The following ST6GALNAC3 variants were observed in gnomAD, a reference collection of about 807,000 sequenced individuals.
The protein encoded by ST6GALNAC3 is alpha-N-acetylgalactosaminide alpha-2,6-sialyltransferase 3.
In ST6GALNAC3, 25 loss-of-function variants were observed where a neutral mutation model predicts 32.7. That is an observed-to-expected ratio of 0.76 (90% CI 0.56 to 1.07). The LOEUF is 1.07. Among genes scored for constraint, ST6GALNAC3 ranks in the 50% least tolerant of loss-of-function variants. The pLI is 0.00. For synonymous variants in ST6GALNAC3, 129 were observed against 133.1 expected, an observed-to-expected ratio of 0.97 and a Z score of 0.21; for missense variants, 355 against 382.4, an observed-to-expected ratio of 0.93 and a Z score of 0.60.
intron 1 of ST6GALNAC3, among the ~76,000 whole-genome samples, chr1:76,096,027 C>A (rs1390957556): frequency 6.6e-6 from 1 of 152,184 alleles, no homozygotes; most frequent in East Asian, 1.9e-4. Context: ...CTGGTGAACC[C>A]AGCCCAGGCA....
intron 3 of ST6GALNAC3, among the ~76,000 whole-genome samples, chr1:76,535,111 A>G (rs912468243): frequency 6.6e-6 from 1 of 152,210 alleles, no homozygotes; most frequent in African/African-American, 2.4e-5. Flanking sequence ...CATGGGATAC[A>G]CAGGGTTAGG....
At chr1:76,540,336 A>T (rs1235154688) in intron 3 of ST6GALNAC3, among the ~76,000 whole-genome samples, 2 of 152,092 alleles carry the variant, frequency 1.3e-5, no homozygotes, top group East Asian at 3.9e-4. Flanking sequence ...GAGGGGAACA[A>T]CACACACTAG....
At chr1:76,530,010 C>A (rs116717179) in intron 3 of ST6GALNAC3, among the ~76,000 whole-genome samples, 307 of 152,190 alleles carry the variant, frequency 2.0e-3, no homozygotes, top group African/African-American at 6.9e-3. Flanking sequence ...CCTCTGAGAG[C>A]GTTAATAAAT....
chr1:76,208,926 A>G (rs552486953), intron 1 of ST6GALNAC3, among the ~76,000 whole-genome samples: 2 of 152,230 alleles, frequency 1.3e-5, no homozygotes, highest in Admixed American at 1.3e-4. Flanking sequence ...CGTTTTCCTT[A>G]ACTTTTCTTG....
chr1:76,615,375 G>A (rs1438744817), intron 3 of ST6GALNAC3, among the ~76,000 whole-genome samples: 1 of 152,170 alleles, frequency 6.6e-6, no homozygotes, highest in Non-Finnish European at 1.5e-5. Flanking sequence ...GAACCACCAA[G>A]AGAGCTCCAA....
intron 3 of ST6GALNAC3, among the ~76,000 whole-genome samples, chr1:76,619,496 T>C (rs1285905826): frequency 6.6e-6 from 1 of 152,126 alleles, no homozygotes; most frequent in Non-Finnish European, 1.5e-5. Context: ...CTTAGTCATA[T>C]GTTGTTTACA....
chr1:76,448,512 T>C (rs1657149657), intron 3 of ST6GALNAC3, among the ~76,000 whole-genome samples: 1 of 152,130 alleles, frequency 6.6e-6, no homozygotes, highest in Non-Finnish European at 1.5e-5. Flanking sequence ...TGAAATGATG[T>C]GGTTTGGCTC....
intron 3 of ST6GALNAC3, among the ~76,000 whole-genome samples, chr1:76,449,671 A>G (rs1193163344): frequency 2.0e-5 from 3 of 152,234 alleles, no homozygotes; most frequent in Non-Finnish European, 4.4e-5. Flanking sequence ...TATGATATAG[A>G]ACATCTTTTC....
In ST6GALNAC3 at chr1:76,548,914, C is replaced by G. The variant is rs1347154405; in HGVS notation, c.624-78538C>G. ...GGCTCTGCCGCCACTGTATCCCCAG[C>G]CTTTAGTGCCCTGTGCCTGATGAAT... is the stretch of plus-strand genomic sequence containing the variant. On this transcript the variant is annotated intron_variant, in intron 3 of 4. Coordinates refer to ENST00000328299, the MANE Select transcript of ST6GALNAC3 (RefSeq NM_152996.4). 5.9e-5 allele frequency among the ~76,000 whole-genome samples: 9 copies of G among 152,148 alleles called. No homozygotes were observed. In the South Asian group the frequency reaches 1.9e-3, roughly 32 times the overall value.
intron 2 of ST6GALNAC3, among the ~76,000 whole-genome samples, chr1:76,403,177 A>G (rs901255225): frequency 1.3e-5 from 2 of 152,162 alleles, no homozygotes; most frequent in Non-Finnish European, 2.9e-5. Flanking sequence ...TTACCTCCAA[A>G]GAAAATTCTA....
rs149334008 is a variant in ST6GALNAC3, at chr1:76,312,867, G to A, written c.19-938G>A. On this transcript the variant is annotated intron_variant, in intron 1 of 4. Coordinates refer to ENST00000328299, the MANE Select transcript of ST6GALNAC3 (RefSeq NM_152996.4). ...AGTAACTGTATGTATTCTTGTCTGC[G>A]TGCTGTTTCCTCTCTCTGGAAAGCT... is the stretch of plus-strand genomic sequence containing the variant. Among the ~76,000 whole-genome samples the A allele has an allele frequency of 2.6e-3, 390 of 152,252 alleles. 1 individual carries two copies. The highest frequency in any genetic ancestry group is 0.01 in the Middle Eastern group (3 of 294).
chr1:76,327,836 C>T (rs553015475), intron 2 of ST6GALNAC3, among the ~76,000 whole-genome samples: 7 of 152,248 alleles, frequency 4.6e-5, no homozygotes, highest in South Asian at 2.1e-4. Flanking sequence ...GTGATCTGCA[C>T]TCTTCAGCCT....
intron 1 of ST6GALNAC3, among the ~76,000 whole-genome samples, chr1:76,155,042 T>C (rs575043879): frequency 2.6e-5 from 4 of 152,320 alleles, no homozygotes; most frequent in African/African-American, 9.6e-5. Flanking sequence ...TTTTTTTGCC[T>C]TGGAGGATGT....
chr1:76,534,432 C>T (rs183807860), intron 3 of ST6GALNAC3, among the ~76,000 whole-genome samples: 1 of 152,288 alleles, frequency 6.6e-6, no homozygotes, highest in Non-Finnish European at 1.5e-5. Context: ...TCATAATGTA[C>T]ACATCGAGAT....
At chr1:76,617,741 C>T (rs180761516) in intron 3 of ST6GALNAC3, among the ~76,000 whole-genome samples, 177 of 152,244 alleles carry the variant, frequency 1.2e-3, no homozygotes, top group Non-Finnish European at 2.1e-3. Flanking sequence ...AATCCAACTT[C>T]GATCTTTGAT....
At chr1:76,396,636 T>A (rs1652983133) in intron 2 of ST6GALNAC3, among the ~76,000 whole-genome samples, 2 of 152,174 alleles carry the variant, frequency 1.3e-5, no homozygotes, top group African/African-American at 2.4e-5. Context: ...TAAAAGCCAA[T>A]TAGGTCTTTG....
In ST6GALNAC3 at chr1:76,395,079, G is replaced by A. The variant is rs182485256; in HGVS notation, c.214-16929G>A. 8.1e-4 allele frequency among the ~76,000 whole-genome samples: 123 copies of A among 152,278 alleles called. 1 individual carries two copies. The highest frequency in any genetic ancestry group is 2.8e-3 in the African/African-American group (116 of 41,562). ...AAGTGTGAGGTTGCTACAATATTAA[G>A]TGCTTAAGATATGCCACTACTGCTC... is the stretch of plus-strand genomic sequence containing the variant. On this transcript the variant is annotated intron_variant, in intron 2 of 4. Coordinates refer to ENST00000328299, the MANE Select transcript of ST6GALNAC3 (RefSeq NM_152996.4).
At chr1:76,510,227 T>C (rs1337133407) in intron 3 of ST6GALNAC3, among the ~76,000 whole-genome samples, 1 of 152,194 alleles carries the variant, frequency 6.6e-6, no homozygotes, top group Non-Finnish European at 1.5e-5. Context: ...CACAGCATAC[T>C]AGGAGCTCTG....
chr1:76,323,281 GAAAT>G (rs1027270137), intron 2 of ST6GALNAC3, among the ~76,000 whole-genome samples: 2 of 152,048 alleles, frequency 1.3e-5, no homozygotes, highest in East Asian at 1.9e-4. Flanking sequence ...ATAATGACTA[GAAAT>G]AAATAAATAA....
Sources: allele counts gnomAD v4.1 joint callset (sites outside exome capture counted in the v4.1 genomes callset), GRCh38; gene constraint gnomAD v4.1.1; transcripts MANE v1.5; gene names NCBI Gene and HGNC (gene_info 2026-07-23, HGNC 2026-07-21).